The following TET3 variants were observed in gnomAD, a reference collection of about 807,000 sequenced individuals.
TET3 encodes methylcytosine dioxygenase TET3.
TET3 carries 19 observed loss-of-function variants against 141.4 expected under a neutral mutation model. That is an observed-to-expected ratio of 0.13 (90% CI 0.09 to 0.20). The LOEUF is 0.20. Ranked by LOEUF, TET3 falls within the 10% of genes least tolerant of loss-of-function variation. TET3 has a pLI of 1.00. For missense variants in TET3, 1,874 were observed against 2,356.9 expected (o/e 0.80, Z 4.24); for synonymous variants, 1,043 against 980.9 (o/e 1.06, Z -1.18).
intron 3 of TET3, among the ~76,000 whole-genome samples, chr2:74,042,926 C>T (rs1191590763): frequency 6.6e-6 from 1 of 152,234 alleles, no homozygotes; most frequent in Non-Finnish European, 1.5e-5. Flanking sequence ...TTTTCCCTTT[C>T]TCCTCTTTTT....
chr2:74,069,470 C>A (rs1023857177), intron 4 of TET3, among the ~76,000 whole-genome samples: 6 of 151,108 alleles, frequency 4.0e-5, no homozygotes, highest in Admixed American at 6.6e-5. Flanking sequence ...AGGAAAGTAC[C>A]TGAAACATTC....
chr2:73,992,908 G>T (rs17009553), intron 2 of TET3, among the ~76,000 whole-genome samples: 3 of 152,216 alleles, frequency 2.0e-5, no homozygotes, highest in African/African-American at 7.2e-5. Flanking sequence ...TGAGGCAAAT[G>T]AACAGATCTA....
chr2:74,070,432 A>G (rs771921705), intron 4 of TET3, among the ~76,000 whole-genome samples: 1 of 152,160 alleles, frequency 6.6e-6, no homozygotes, highest in Admixed American at 6.5e-5. Context: ...GTTATCTCTC[A>G]CTGGGTCCCT....
intron 4 of TET3, among the ~76,000 whole-genome samples, chr2:74,069,553 T>C (rs1689093214): frequency 6.6e-6 from 1 of 151,820 alleles, no homozygotes; most frequent in African/African-American, 2.4e-5. Flanking sequence ...AGACCACTTC[T>C]AGCCCCCCAG....
intron 5 of TET3, among the ~76,000 whole-genome samples, chr2:74,077,556 GAAGA>G (rs1484943299): frequency 6.6e-6 from 1 of 152,250 alleles, no homozygotes; most frequent in African/African-American, 2.4e-5. Flanking sequence ...AGGCACTTGA[GAAGA>G]AAGAGCTAAA....
At chr2:74,002,570 C>G (rs916717997) in intron 2 of TET3, 1 of 310,622 alleles carries the variant, frequency 3.2e-6, no homozygotes, top group Admixed American at 5.0e-5. Flanking sequence ...CAGCAGCACC[C>G]TCGGCTGCGC....
intron 4 of TET3, among the ~76,000 whole-genome samples, chr2:74,052,060 A>G (rs773837325): frequency 1.3e-5 from 2 of 152,068 alleles, no homozygotes; most frequent in South Asian, 4.1e-4. Context: ...GCTCACTGCA[A>G]CCTCTGCCTC....
intron 10 of TET3, among the ~76,000 whole-genome samples, chr2:74,097,132 C>T (rs1318243933): frequency 7.1e-6 from 1 of 141,166 alleles, no homozygotes; most frequent in Non-Finnish European, 1.6e-5. Context: ...AAAAGAAAAG[C>T]AGGTCACAGA....
chr2:74,099,233 G>A, intron 10 of TET3, 43 bp from the exon 11 acceptor site: 1 of 1,510,210 alleles, frequency 6.6e-7, no homozygotes, highest in Non-Finnish European at 8.9e-7. Context: ...CCAGCACTCG[G>A]TCCCCCAACC....
chr2:74,032,093 G>A (rs761012975), intron 3 of TET3, among the ~76,000 whole-genome samples: 5 of 152,166 alleles, frequency 3.3e-5, no homozygotes, highest in Non-Finnish European at 7.3e-5. Context: ...TTTGCACTCA[G>A]CACTCAAAAC....
chr2:74,009,266 G>A (rs1429376912), intron 3 of TET3, among the ~76,000 whole-genome samples: 2 of 151,450 alleles, frequency 1.3e-5, no homozygotes, highest in Non-Finnish European at 2.9e-5. Context: ...AGCCAAGGGA[G>A]GCTGGTAACT....
chr2:74,050,012 T>A (rs1466880969), intron 4 of TET3, among the ~76,000 whole-genome samples: 1 of 152,172 alleles, frequency 6.6e-6, no homozygotes, highest in Non-Finnish European at 1.5e-5. Context: ...CCGCTTACCC[T>A]TTTCTCTGTG....
chr2:74,076,604 A>G (rs1354233205), intron 5 of TET3, among the ~76,000 whole-genome samples: 1 of 150,822 alleles, frequency 6.6e-6, no homozygotes, highest in Non-Finnish European at 1.5e-5. Flanking sequence ...GTGTACCAGC[A>G]TACCTTTTTT....
rs1691416056 is a variant in TET3, at chr2:74,104,898, C to T, written c.*2722C>T. 3.0e-6 allele frequency: 1 copy of T among 330,830 alleles called. No individual in the cohort carries two copies. Among genetic ancestry groups the T allele is most frequent in the East Asian group, 4.6e-5 (1 of 21,640 alleles). 20.5% of individuals were successfully genotyped at this position (330,830 alleles called of 1,614,324 possible). On this transcript the variant is annotated 3_prime_UTR_variant, in exon 12 of 12. Coordinates refer to ENST00000409262, the MANE Select transcript of TET3 (RefSeq NM_001287491.2). ...GATGTCCCCACTCCCCGCAGAATGG[C>T]GTTTCCAGAGTTAGGCGGTGTGGTT...
In TET3 at chr2:74,108,161, A is replaced by AT. The variant is rs1189340316; in HGVS notation, c.*5991dup. The AT allele has an allele frequency of 6.5e-6, 1 of 153,688 alleles. No individual in the cohort carries two copies. Among genetic ancestry groups the AT allele is most frequent in the East Asian group, 1.9e-4 (1 of 5,202 alleles). The allele number at this position is 153,688 out of a possible 1,614,324, so 9.5% of individuals were successfully genotyped here. A position where few individuals can be genotyped will look rare whatever the true frequency, so the allele number is the denominator to read the frequency against. On this transcript the variant is annotated 3_prime_UTR_variant, in exon 12 of 12. Coordinates refer to ENST00000409262, the MANE Select transcript of TET3 (RefSeq NM_001287491.2). ...GGGTGTTTTAATAAATTTTATATTT[A>AT]TTTTTTGCACTCAAATTCAGTGTGG... is the stretch of plus-strand genomic sequence containing the variant.
intron 2 of TET3, among the ~76,000 whole-genome samples, chr2:73,990,771 A>G (rs1329114223): frequency 6.6e-6 from 1 of 152,238 alleles, no homozygotes; most frequent in African/African-American, 2.4e-5. Context: ...TCTTTCAACA[A>G]TATCAGAACA....
Position 74,034,575 on chromosome 2 carries a change from TAAAAAA to T in TET3, c.361-11689_361-11684del, listed in dbSNP as rs57991784. 2.3e-5 allele frequency among the ~76,000 whole-genome samples: 3 copies of T among 130,052 alleles called. No homozygotes were observed. In the East Asian group the frequency reaches 6.4e-4, roughly 28 times the overall value. The allele number at this position is 130,052 out of a possible 152,430, so 85.3% of individuals were successfully genotyped here. ...ACATATGTAGTCCTCGAGCATTGAT[TAAAAAA>T]AAAAAAAAAAAAACCCTGTTGTAGA... On this transcript the variant is annotated intron_variant, in intron 3 of 11. Transcript: ENST00000409262.
chr2:73,984,665 T>TC (rs1256283507), upstream of TET3, among the ~76,000 whole-genome samples: 1 of 151,484 alleles, frequency 6.6e-6, no homozygotes, highest in African/African-American at 2.4e-5. This position sits in a 1 kb window ranked among gnomAD's most constrained non-coding sequence, Gnocchi z 5.6. Context: ...GGCGGCCGCC[T>TC]CCCGGGAGGG....
chr2:74,110,885 T>C (rs149256846), downstream of TET3, among the ~76,000 whole-genome samples: 365 of 152,316 alleles, frequency 2.4e-3, no homozygotes, highest in African/African-American at 8.3e-3. Flanking sequence ...CCCCATCACG[T>C]GCTCTCAGGT....
Sources: allele counts gnomAD v4.1 joint callset (sites outside exome capture counted in the v4.1 genomes callset), GRCh38; gene constraint gnomAD v4.1.1; non-coding constraint Gnocchi (gnomAD v3.1); transcripts MANE v1.5; gene names NCBI Gene and HGNC (gene_info 2026-07-23, HGNC 2026-07-21).